VWA3A: variants seen among roughly 807,000 people sequenced by gnomAD.
VWA3A encodes von Willebrand factor A domain containing 3A, also known as von Willebrand factor A domain-containing protein 3A.
In VWA3A, 134 loss-of-function variants were observed where a neutral mutation model predicts 160.4. That is an observed-to-expected ratio of 0.84 (90% CI 0.73 to 0.96). The LOEUF (loss-of-function observed/expected upper bound fraction) is 0.96. Ranked by LOEUF, VWA3A falls within the 40% of genes least tolerant of loss-of-function variation. VWA3A has a pLI of 0.00. For synonymous variants in VWA3A, 476 were observed against 543.4 expected, an observed-to-expected ratio of 0.88 and a Z score of 1.72; for missense variants, 1,310 against 1,447.9, an observed-to-expected ratio of 0.90 and a Z score of 1.55.
chr16:22,108,860 G>A (rs1308922642), intron 6 of VWA3A, among the ~76,000 whole-genome samples: 2 of 152,154 alleles, frequency 1.3e-5, no homozygotes, highest in Non-Finnish European at 2.9e-5. Context: ...GGGTTTATCA[G>A]GACGTGGCCC....
chr16:22,123,134 A>C lies in VWA3A; in HGVS notation c.1406A>C (p.His469Pro), dbSNP rs767119410. 2 of 1,605,730 alleles carry C rather than the reference A, an allele frequency of 1.2e-6. No individual in the cohort carries two copies. Among genetic ancestry groups the C allele is most frequent in the Non-Finnish European group, 1.7e-6 (2 of 1,175,962 alleles). ...EWHDGTVKNI[H>P]VDPPFLYKYQ... ...CACGACGGGACAGTGAAGAACATTCATGTGGACCCACCCTTCCTCTATAAG... is the reference window on the plus strand; with the variant it reads ...CACGACGGGACAGTGAAGAACATTCCTGTGGACCCACCCTTCCTCTATAAG... The change falls in exon 15 of 34, where the codon CAT (histidine) becomes CCT (proline). Residue 469 changes from histidine (H) to proline (P), a missense_variant. By Grantham distance (77) the His-to-Pro change is moderately conservative. Coordinates refer to ENST00000389398, the MANE Select transcript of VWA3A (RefSeq NM_173615.5).
rs778773825 is a variant in VWA3A at position 22,152,580 on chromosome 16, G to A, written c.3351G>A (p.Glu1117=). The A allele has an allele frequency of 6.2e-7, 1 of 1,611,688 alleles. No individual in the cohort carries two copies. The highest frequency in any genetic ancestry group is 8.5e-7 in the Non-Finnish European group (1 of 1,178,956). Residue 1117 remains glutamate (E), a synonymous_variant, in exon 31 of 34, where the codon GAG becomes GAA. Coordinates refer to ENST00000389398, the MANE Select transcript of VWA3A (RefSeq NM_173615.5). Reference sequence around the variant, plus strand: ...GACGCTATCACTGCCCTGTGGGTGAGGACACACTCTCCAAAATTCACAGCC... The same window carrying A: ...GACGCTATCACTGCCCTGTGGGTGAAGACACACTCTCCAAAATTCACAGCC... ...TGGRYHCPVG[E]DTLSKIHSLL...
intron 26 of VWA3A, among the ~76,000 whole-genome samples, chr16:22,144,794 G>A (rs2046218911): frequency 1.3e-5 from 2 of 151,998 alleles, no homozygotes; most frequent in South Asian, 2.1e-4. Context: ...TGTGCCTGTA[G>A]TCCGAGCTAC....
At chr16:22,140,570 C>T (rs1053376776) in intron 23 of VWA3A, among the ~76,000 whole-genome samples, 1 of 151,562 alleles carries the variant, frequency 6.6e-6, no homozygotes, top group African/African-American at 2.4e-5. Context: ...TGCACCACTG[C>T]ACTCTAACCT....
At chr16:22,131,445 C>T (rs183945900) in intron 18 of VWA3A, 140 bp from the exon 19 acceptor site, 5 of 1,455,292 alleles carry the variant, frequency 3.4e-6, no homozygotes, top group Non-Finnish European at 4.7e-6. Flanking sequence ...CTGCTCTCCC[C>T]ACCTGGCCAT....
intron 21 of VWA3A, among the ~76,000 whole-genome samples, chr16:22,136,864 C>T (rs2046050445): frequency 6.8e-6 from 1 of 147,040 alleles, no homozygotes; most frequent in African/African-American, 2.6e-5. Context: ...AACCCCGTCT[C>T]TACTAAAAAT....
Position 22,093,554 on chromosome 16 carries a change from T to G in VWA3A, c.14+903T>G, listed in dbSNP as rs554129744. On this transcript the variant is annotated intron_variant, in intron 1 of 33. Coordinates refer to ENST00000389398, the MANE Select transcript of VWA3A (RefSeq NM_173615.5). ...GCTCTATAAATGTTCATGAAACACA[T>G]GATTGTTTTTGTGTCATATGCTGAA... Among the ~76,000 whole-genome samples the G allele has an allele frequency of 2.6e-5, 4 of 152,316 alleles. No homozygotes were observed. In the South Asian group the frequency reaches 8.3e-4, roughly 32 times the overall value.
rs1264051290 is a variant in VWA3A at position 22,142,768 on chromosome 16, A to G, written c.2592+3A>G. 6.4e-7 allele frequency: 1 copy of G among 1,560,316 alleles called. No homozygotes were observed. The highest frequency in any genetic ancestry group is 1.2e-5 in the South Asian group (1 of 84,614). ...ATACAGTTTGCTCAAGCCAAGAGGT[A>G]TTAAGTCACCCATACTAGCACATGC... is the stretch of plus-strand genomic sequence containing the variant. On this transcript the variant is annotated splice_donor_region_variant and intron_variant, in intron 25 of 33. Transcript: ENST00000389398.
intron 22 of VWA3A, among the ~76,000 whole-genome samples, chr16:22,138,886 A>G (rs937667410): frequency 6.6e-6 from 1 of 151,968 alleles, no homozygotes; most frequent in Non-Finnish European, 1.5e-5. Flanking sequence ...GCTGCCACCC[A>G]AGACTTTGCA....
intron 23 of VWA3A, 84 bp from the exon 24 acceptor site, chr16:22,141,498 C>A: frequency 7.7e-7 from 1 of 1,303,994 alleles, no homozygotes; most frequent in Non-Finnish European, 1.1e-6. Flanking sequence ...TATAGCTGAA[C>A]TTGAGTGTCT....
chr16:22,125,081 G>A (rs560464691), intron 16 of VWA3A, among the ~76,000 whole-genome samples: 2 of 151,966 alleles, frequency 1.3e-5, no homozygotes, highest in East Asian at 1.9e-4. Flanking sequence ...TTTTCCCTAC[G>A]AAGACCCCAA....
intron 27 of VWA3A, among the ~76,000 whole-genome samples, chr16:22,146,849 C>T (rs2046261745): frequency 1.3e-5 from 2 of 152,216 alleles, no homozygotes; most frequent in Admixed American, 6.5e-5. Context: ...GCCAAAGAGC[C>T]CCAGCGGGAG....
intron 14 of VWA3A, among the ~76,000 whole-genome samples, chr16:22,122,218 T>TG (rs554722705): frequency 3.0e-4 from 2 of 6,742 alleles, no homozygotes; most frequent in African/African-American, 9.9e-4. Context: ...GATGGATGGG[T>TG]GGGGGGGTGG....
chr16:22,126,044 A>G, intron 16 of VWA3A, 134 bp from the exon 17 acceptor site: 1 of 1,280,030 alleles, frequency 7.8e-7, no homozygotes, highest in Non-Finnish European at 1.1e-6. Context: ...CTCAAACCAC[A>G]GAGAAGATTT....
rs375273257 is a variant in VWA3A at position 22,131,259 on chromosome 16, C to T, written c.1707C>T (p.Asn569=). The T allele has an allele frequency of 4.5e-5, 72 of 1,613,980 alleles. 1 individual carries two copies. Among genetic ancestry groups the T allele is most frequent in the Non-Finnish European group, 6.1e-5 (72 of 1,179,892 alleles). The change falls in exon 18 of 34, where the codon AAC becomes AAT. Residue 569 remains asparagine, a synonymous_variant. Transcript: ENST00000389398. ...WRPEMVPVSH[N]NLQSAWRWAL... is the part of the protein sequence containing the mutation. ...CTGAGATGGTTCCCGTGAGTCACAA[C>T]AATTTACAAAGTGCCTGGCGGTAGG...
intron 19 of VWA3A, among the ~76,000 whole-genome samples, chr16:22,132,002 G>A (rs545727280): frequency 2.4e-4 from 37 of 152,006 alleles, no homozygotes; most frequent in South Asian, 8.3e-4. Flanking sequence ...AGGCTGGGGT[G>A]GGAGGATCTC....
intron 6 of VWA3A, among the ~76,000 whole-genome samples, chr16:22,107,115 C>T (rs1481159643): frequency 3.3e-5 from 5 of 152,130 alleles, no homozygotes; most frequent in Non-Finnish European, 7.4e-5. Flanking sequence ...GAAGATGGAC[C>T]TCAGATAATC....
chr16:22,131,766 G>T lies in VWA3A; in HGVS notation c.1872+37G>T, dbSNP rs1334794441. On this transcript the variant is annotated intron_variant, in intron 19 of 33. Transcript: ENST00000389398. Reference sequence around the variant, plus strand: ...ACGTCCTGGGTGTCCATTATCCTTTGCGACCTCATCCGTCTTCCCCCAGGT... The same window carrying T: ...ACGTCCTGGGTGTCCATTATCCTTTTCGACCTCATCCGTCTTCCCCCAGGT... 2.5e-6 allele frequency: 4 copies of T among 1,589,160 alleles called. No homozygotes were observed. In the Admixed American group the frequency reaches 5.3e-5, roughly 21 times the overall value.
chr16:22,118,672 C>T lies in VWA3A; in HGVS notation c.991-230C>T, dbSNP rs188128967. On this transcript the variant is annotated intron_variant, in intron 11 of 33. Coordinates refer to ENST00000389398, the MANE Select transcript of VWA3A (RefSeq NM_173615.5). ...CTGCACTCCAGCCTGGGTGACAGAGCGAGACTCCATCAAAACAAACAAACA... is the reference window on the plus strand; with the variant it reads ...CTGCACTCCAGCCTGGGTGACAGAGTGAGACTCCATCAAAACAAACAAACA... 6.2e-3 allele frequency among the ~76,000 whole-genome samples: 943 copies of T among 152,248 alleles called. 26 individuals are homozygous for T. Among genetic ancestry groups the T allele is most frequent in the Admixed American group, 0.044 (672 of 15,276 alleles).
Sources: gnomAD v4.1 joint callset for allele counts (sites outside exome capture counted in the v4.1 genomes callset) on GRCh38, gnomAD v4.1.1 for gene constraint, MANE v1.5 for transcripts, NCBI Gene and HGNC (gene_info 2026-07-23, HGNC 2026-07-21) for gene names.